The following WWOX variants were observed in gnomAD, a reference collection of about 807,000 sequenced individuals.
The protein encoded by WWOX is WW domain-containing oxidoreductase.
In WWOX, 69 loss-of-function variants were observed where a neutral mutation model predicts 46.2. The ratio of observed to expected loss-of-function variants is 1.49; its 90% CI spans 1.23 to 1.82. The LOEUF is 1.82. Among genes scored for constraint, WWOX ranks in the 40% most tolerant of loss-of-function variants. The probability of loss-of-function intolerance (pLI) is 0.00; values close to 1 mark genes in which losing one functional copy is unlikely to be tolerated. For missense variants in WWOX, 919 were observed against 542.6 expected, an observed-to-expected ratio of 1.69 and a Z score of -6.89; for synonymous variants, 359 against 202.6, an observed-to-expected ratio of 1.77 and a Z score of -6.56.
intron 5 of WWOX, among the ~76,000 whole-genome samples, chr16:78,291,122 A>G (rs1159093153): frequency 6.6e-6 from 1 of 152,190 alleles, no homozygotes; most frequent in Non-Finnish European, 1.5e-5. Context: ...CAGTAGTGTC[A>G]TGGAACTCAC....
chr16:78,817,866 T>C (rs566078383), intron 8 of WWOX, among the ~76,000 whole-genome samples: 83 of 152,286 alleles, frequency 5.5e-4, no homozygotes, highest in South Asian at 3.7e-3. Flanking sequence ...CTTATTGTCA[T>C]AGGTCATTTT....
chr16:78,638,041 C>A (rs191774026), intron 8 of WWOX, among the ~76,000 whole-genome samples: 3 of 152,212 alleles, frequency 2.0e-5, no homozygotes, highest in African/African-American at 7.2e-5. Flanking sequence ...TTGCTCACAT[C>A]ATCCACTTCT....
intron 8 of WWOX, among the ~76,000 whole-genome samples, chr16:78,826,476 C>G (rs2051660548): frequency 6.6e-6 from 1 of 152,220 alleles, no homozygotes; most frequent in South Asian, 2.1e-4. Context: ...TTTCTGGTGG[C>G]TGCTCGTGAT....
chr16:78,244,832 A>T (rs2037766950), intron 5 of WWOX, among the ~76,000 whole-genome samples: 1 of 152,090 alleles, frequency 6.6e-6, no homozygotes, highest in African/African-American at 2.4e-5. Context: ...TCCCCCTTGG[A>T]GTTCTGTTTC....
At chr16:78,702,547 C>G (rs974016895) in intron 8 of WWOX, among the ~76,000 whole-genome samples, 1 of 150,336 alleles carries the variant, frequency 6.7e-6, no homozygotes, top group African/African-American at 2.5e-5. Flanking sequence ...AATGCTTGCT[C>G]GGGAGGCTGA....
At chr16:78,188,735 G>T (rs146431699) in intron 5 of WWOX, among the ~76,000 whole-genome samples, 8 of 152,230 alleles carry the variant, frequency 5.3e-5, no homozygotes, top group Non-Finnish European at 1.0e-4. Context: ...GGTATTGACA[G>T]ACCCATGGGT....
intron 8 of WWOX, among the ~76,000 whole-genome samples, chr16:78,538,051 T>C (rs937786558): frequency 6.6e-6 from 1 of 152,086 alleles, no homozygotes; most frequent in African/African-American, 2.4e-5. Context: ...ACACTGTCTT[T>C]TTTCCAGCAT....
At chr16:78,326,193 C>A (rs571601347) in intron 5 of WWOX, among the ~76,000 whole-genome samples, 1 of 152,266 alleles carries the variant, frequency 6.6e-6, no homozygotes, top group South Asian at 2.1e-4. Flanking sequence ...GATCACACAG[C>A]TAGATCACAG....
intron 8 of WWOX, among the ~76,000 whole-genome samples, chr16:78,568,457 T>A (rs28498634): frequency 1.2e-3 from 182 of 149,928 alleles, no homozygotes; most frequent in East Asian, 3.3e-3. Context: ...TTCTTTTTTT[T>A]AAAAAAAAGC....
intron 8 of WWOX, among the ~76,000 whole-genome samples, chr16:78,594,059 T>G (rs1443573514): frequency 6.6e-6 from 1 of 152,178 alleles, no homozygotes; most frequent in Non-Finnish European, 1.5e-5. Context: ...ATGTGAGATG[T>G]GATCACGTTT....
chr16:78,459,115 G>A (rs1361140547), intron 8 of WWOX, among the ~76,000 whole-genome samples: 1 of 152,186 alleles, frequency 6.6e-6, no homozygotes, highest in Non-Finnish European at 1.5e-5. Flanking sequence ...TCTGTGTGAA[G>A]ATTAAATGAA....
intron 8 of WWOX, among the ~76,000 whole-genome samples, chr16:78,907,890 C>G (rs1002355209): frequency 6.6e-6 from 1 of 152,078 alleles, no homozygotes; most frequent in African/African-American, 2.4e-5. Context: ...TGTCAAGGGT[C>G]GATGAATTCA....
intron 8 of WWOX, among the ~76,000 whole-genome samples, chr16:78,607,050 A>G (rs1204792592): frequency 2.6e-5 from 4 of 152,144 alleles, no homozygotes; most frequent in Admixed American, 2.6e-4. Context: ...ACTTCTCAGA[A>G]CAATGCAAAT....
chr16:79,048,120 G>T (rs1034061363), intron 8 of WWOX, among the ~76,000 whole-genome samples: 1 of 152,078 alleles, frequency 6.6e-6, no homozygotes, highest in African/African-American at 2.4e-5. Context: ...TCACAGACAC[G>T]GAAAATCATT....
intron 8 of WWOX, chr16:78,552,890 A>T (rs145705418): frequency 6.6e-6 from 1 of 152,348 alleles, no homozygotes; most frequent in East Asian, 1.9e-4. Flanking sequence ...TGTTACTCAC[A>T]GATCCATGGG....
At chr16:78,288,609 G>A (rs1019411723) in intron 5 of WWOX, among the ~76,000 whole-genome samples, 1 of 152,224 alleles carries the variant, frequency 6.6e-6, no homozygotes, top group African/African-American at 2.4e-5. Flanking sequence ...CCAATCCCTT[G>A]TATTTTAGAA....
At chr16:78,243,899 A>G (rs1207447933) in intron 5 of WWOX, among the ~76,000 whole-genome samples, 3 of 152,208 alleles carry the variant, frequency 2.0e-5, no homozygotes, top group South Asian at 2.1e-4. Flanking sequence ...TTCCACTTAC[A>G]AATGAGAACA....
At chr16:78,905,032 C>T (rs751324488) in intron 8 of WWOX, among the ~76,000 whole-genome samples, 2 of 152,142 alleles carry the variant, frequency 1.3e-5, no homozygotes, top group Non-Finnish European at 2.9e-5. Context: ...ATTTTCATTC[C>T]TTCCACTTCA....
At chr16:78,150,438 A>T (rs763273737) in intron 4 of WWOX, among the ~76,000 whole-genome samples, 2 of 152,046 alleles carry the variant, frequency 1.3e-5, no homozygotes, top group Non-Finnish European at 2.9e-5. Flanking sequence ...TGGTGCAATT[A>T]TGCAATCATG....
Sources: gnomAD v4.1 joint callset for allele counts (sites outside exome capture counted in the v4.1 genomes callset) on GRCh38, gnomAD v4.1.1 for gene constraint, MANE v1.5 for transcripts, NCBI Gene and HGNC (gene_info 2026-07-23, HGNC 2026-07-21) for gene names.